The following HS3ST4 variants were observed in gnomAD, a reference collection of about 807,000 sequenced individuals.
HS3ST4 encodes heparan sulfate-glucosamine 3-sulfotransferase 4, also known as heparan sulfate glucosamine 3-O-sulfotransferase 4.
In HS3ST4, 17 loss-of-function variants were observed where a neutral mutation model predicts 29.2. The ratio of observed to expected loss-of-function variants is 0.58; its 90% CI spans 0.40 to 0.87. HS3ST4 has a LOEUF of 0.87. Ranked by LOEUF, HS3ST4 falls within the 40% of genes least tolerant of loss-of-function variation. HS3ST4 has a pLI of 0.00. For missense variants in HS3ST4, 627 were observed against 634.5 expected (o/e 0.99, Z 0.13); for synonymous variants, 314 against 285.7 (o/e 1.10, Z -1.00).
chr16:25,940,652 A>G (rs1968563631), intron 1 of HS3ST4, among the ~76,000 whole-genome samples: 1 of 152,198 alleles, frequency 6.6e-6, no homozygotes, highest in Non-Finnish European at 1.5e-5. Flanking sequence ...GGAGAAGAAG[A>G]TTTGCAAGAA....
chr16:25,853,434 T>G (rs994420018), intron 1 of HS3ST4, among the ~76,000 whole-genome samples: 10 of 152,120 alleles, frequency 6.6e-5, no homozygotes, highest in African/African-American at 2.4e-4. Context: ...ATTTCTAGTA[T>G]TATGCTGAAT....
chr16:25,931,633 A>G (rs1968465072), intron 1 of HS3ST4, among the ~76,000 whole-genome samples: 2 of 152,272 alleles, frequency 1.3e-5, no homozygotes, highest in Admixed American at 6.5e-5. Context: ...GAGACAAGAA[A>G]TAGCTGATCT....
At chr16:25,904,181 T>TGGAC (rs1331404277) in intron 1 of HS3ST4, among the ~76,000 whole-genome samples, 1 of 142,976 alleles carries the variant, frequency 7.0e-6, no homozygotes, top group African/African-American at 2.6e-5. Context: ...GATGGATGGA[T>TGGAC]GGACGGATGG....
At chr16:25,749,216 G>A (rs1016397624) in intron 1 of HS3ST4, among the ~76,000 whole-genome samples, 7 of 152,276 alleles carry the variant, frequency 4.6e-5, no homozygotes, top group Admixed American at 6.5e-5. Flanking sequence ...CTGTGGGGCC[G>A]GGTGCAGTGG....
chr16:26,003,397 A>G (rs1239209904), intron 1 of HS3ST4, among the ~76,000 whole-genome samples: 2 of 152,178 alleles, frequency 1.3e-5, no homozygotes, highest in East Asian at 3.9e-4. Flanking sequence ...AATTTTCTCC[A>G]GGGATAATGA....
At chr16:25,986,271 A>G (rs1969062277) in intron 1 of HS3ST4, among the ~76,000 whole-genome samples, 1 of 152,204 alleles carries the variant, frequency 6.6e-6, no homozygotes, top group South Asian at 2.1e-4. Flanking sequence ...TATTACTGCC[A>G]TATCCCCAGA....
chr16:25,988,680 AG>A (rs1395135023), intron 1 of HS3ST4, among the ~76,000 whole-genome samples: 2 of 152,260 alleles, frequency 1.3e-5, no homozygotes, highest in East Asian at 1.9e-4. Flanking sequence ...ATGGACATAG[AG>A]GGGAACAACA....
chr16:25,792,039 TA>T (rs936004560), intron 1 of HS3ST4, among the ~76,000 whole-genome samples: 2 of 152,024 alleles, frequency 1.3e-5, no homozygotes, highest in African/African-American at 4.8e-5. Context: ...TTTCATTTCA[TA>T]AACAATTTGC....
intron 1 of HS3ST4, among the ~76,000 whole-genome samples, chr16:26,109,787 A>G (rs1899104385): frequency 6.6e-6 from 1 of 152,042 alleles, no homozygotes; most frequent in Non-Finnish European, 1.5e-5. Context: ...ATTGACAAAT[A>G]AAAATTACAT....
chr16:25,938,911 C>G (rs948763820), intron 1 of HS3ST4, among the ~76,000 whole-genome samples: 3 of 152,176 alleles, frequency 2.0e-5, no homozygotes, highest in Non-Finnish European at 4.4e-5. Flanking sequence ...TTGGCTTATA[C>G]CCCCTTTCTC....
chr16:25,764,402 G>A (rs567123816), intron 1 of HS3ST4, among the ~76,000 whole-genome samples: 33 of 152,294 alleles, frequency 2.2e-4, no homozygotes, highest in African/African-American at 7.9e-4. Context: ...AAAAAGGCTA[G>A]GGATCACATA....
At chr16:26,126,181 T>A (rs1442645864) in intron 1 of HS3ST4, among the ~76,000 whole-genome samples, 1 of 152,184 alleles carries the variant, frequency 6.6e-6, no homozygotes, top group East Asian at 1.9e-4. Context: ...TTTGTTGATG[T>A]CTGCACACCC....
intron 1 of HS3ST4, among the ~76,000 whole-genome samples, chr16:25,996,960 T>C (rs1033419712): frequency 2.0e-5 from 3 of 152,160 alleles, no homozygotes; most frequent in African/African-American, 7.2e-5. Context: ...CATGTCTTTG[T>C]GGTTTAATGC....
chr16:25,880,950 T>C (rs966278121), intron 1 of HS3ST4, among the ~76,000 whole-genome samples: 16 of 152,200 alleles, frequency 1.1e-4, no homozygotes, highest in African/African-American at 3.9e-4. Flanking sequence ...CTGCCTGATA[T>C]TCTATGAGAT....
chr16:26,132,924 G>C (rs1355265628), intron 1 of HS3ST4, among the ~76,000 whole-genome samples: 1 of 152,020 alleles, frequency 6.6e-6, no homozygotes, highest in Non-Finnish European at 1.5e-5. Context: ...TGAAACAAGG[G>C]AATATATCTC....
At chr16:25,981,647 G>A (rs1420517370) in intron 1 of HS3ST4, among the ~76,000 whole-genome samples, 3 of 91,568 alleles carry the variant, frequency 3.3e-5, no homozygotes, top group South Asian at 4.3e-4. Flanking sequence ...TAGCTCTGTC[G>A]CCCAGGCAAT....
chr16:25,729,545 G>A (rs1385882627), intron 1 of HS3ST4, among the ~76,000 whole-genome samples: 2 of 152,108 alleles, frequency 1.3e-5, no homozygotes, highest in African/African-American at 2.4e-5. Context: ...TTCCTTTCTG[G>A]GATTGCAATC....
At chr16:25,937,499 G>C (rs1968528239) in intron 1 of HS3ST4, among the ~76,000 whole-genome samples, 2 of 152,186 alleles carry the variant, frequency 1.3e-5, no homozygotes, top group Non-Finnish European at 2.9e-5. Context: ...ATTCCAGGCA[G>C]AGGAACAGGA....
chr16:25,846,116 C>G (rs1195523944), intron 1 of HS3ST4, among the ~76,000 whole-genome samples: 1 of 152,214 alleles, frequency 6.6e-6, no homozygotes, highest in East Asian at 1.9e-4. Context: ...AGTGCGGTCT[C>G]TTTCTTGGCT....
Sources: allele counts gnomAD v4.1 joint callset (sites outside exome capture counted in the v4.1 genomes callset), GRCh38; gene constraint gnomAD v4.1.1; transcripts MANE v1.5; gene names NCBI Gene and HGNC (gene_info 2026-07-23, HGNC 2026-07-21).